CNTNAP5: variants seen among roughly 807,000 people sequenced by gnomAD.
The protein encoded by CNTNAP5 is contactin associated protein family member 5, also known as contactin-associated protein-like 5.
In CNTNAP5, 72 loss-of-function variants were observed where a neutral mutation model predicts 150.2. The observed-to-expected ratio is 0.48, with a 90% CI of 0.40 to 0.58. The LOEUF (loss-of-function observed/expected upper bound fraction) is 0.58, where lower values mean the gene tolerates loss of function less well. Ranked by LOEUF, CNTNAP5 falls within the 20% of genes least tolerant of loss-of-function variation. The probability of loss-of-function intolerance (pLI) is 0.00; values close to 1 mark genes in which losing one functional copy is unlikely to be tolerated. For synonymous variants in CNTNAP5, 672 were observed against 619.8 expected (o/e 1.08, Z -1.25); for missense variants, 1,636 against 1,626.2 (o/e 1.01, Z -0.10).
At chr2:124,210,024 G>T (rs976662871) in intron 1 of CNTNAP5, among the ~76,000 whole-genome samples, 1 of 152,126 alleles carries the variant, frequency 6.6e-6, no homozygotes, top group Non-Finnish European at 1.5e-5. Flanking sequence ...AAATAATCCA[G>T]AGTTTGATCA....
At chr2:124,050,209 TCC>T (rs1371228744) in intron 1 of CNTNAP5, among the ~76,000 whole-genome samples, 1 of 152,180 alleles carries the variant, frequency 6.6e-6, no homozygotes, top group Admixed American at 6.5e-5. Context: ...ATGCCTGTAA[TCC>T]CAGTAATTTG....
chr2:124,061,093 T>G (rs911708533), intron 1 of CNTNAP5, among the ~76,000 whole-genome samples: 1 of 152,046 alleles, frequency 6.6e-6, no homozygotes, highest in African/African-American at 2.4e-5. Flanking sequence ...TAGAAATGCA[T>G]GTTCCTGAAG....
At chr2:124,493,459 G>C (rs1300340105) in intron 7 of CNTNAP5, among the ~76,000 whole-genome samples, 1 of 151,868 alleles carries the variant, frequency 6.6e-6, no homozygotes, top group Non-Finnish European at 1.5e-5. Context: ...TCCTGCCTCA[G>C]CCTCCCTAGT....
At chr2:124,226,520 G>A (rs563465506) in intron 2 of CNTNAP5, among the ~76,000 whole-genome samples, 6 of 151,682 alleles carry the variant, frequency 4.0e-5, no homozygotes, top group Admixed American at 6.6e-5. Flanking sequence ...TGAGATATTC[G>A]GCTTGCAAAT....
intron 11 of CNTNAP5, among the ~76,000 whole-genome samples, chr2:124,589,614 CA>C (rs977697602): frequency 2.6e-5 from 4 of 151,734 alleles, no homozygotes; most frequent in East Asian, 1.9e-4. Flanking sequence ...AAACTTTGAA[CA>C]AAAAAAAGCA....
rs868757249 is a variant in CNTNAP5 at position 124,250,500 on chromosome 2, G to T, written c.381+8107G>T. On this transcript the variant is annotated intron_variant, in intron 3 of 23. Transcript: ENST00000682447. ...TTTCTTTTGAGCTTTGTATACAAAAGGAAAAGCAAACAGTAAGTCAGTCTT... is the reference window on the plus strand; with the variant it reads ...TTTCTTTTGAGCTTTGTATACAAAATGAAAAGCAAACAGTAAGTCAGTCTT... Among the ~76,000 whole-genome samples, 12 of 152,190 alleles carry T rather than the reference G, an allele frequency of 7.9e-5. No homozygotes were observed. The South Asian group carries it at 8.3e-4, about 11-fold the overall frequency.
intron 1 of CNTNAP5, among the ~76,000 whole-genome samples, chr2:124,094,515 A>T (rs190739903): frequency 6.6e-6 from 1 of 152,220 alleles, no homozygotes; most frequent in African/African-American, 2.4e-5. Flanking sequence ...TAATACATAT[A>T]TATGTCTAAT....
At position 124,530,654 on chromosome 2, in the gene CNTNAP5, G is replaced by A. The variant is rs1166649207; in HGVS notation, c.1649+3198G>A. On this transcript the variant is annotated intron_variant, in intron 10 of 23. Coordinates refer to ENST00000682447, the MANE Select transcript of CNTNAP5 (RefSeq NM_001367498.1). ...CGCACGGCTCTGGAAGCAGGAAGGTGTTGGTACTGGGCAGCTCCAGTGCCT... is the reference window on the plus strand; with the variant it reads ...CGCACGGCTCTGGAAGCAGGAAGGTATTGGTACTGGGCAGCTCCAGTGCCT... Among the ~76,000 whole-genome samples, 3 of 152,188 alleles carry A rather than the reference G, an allele frequency of 2.0e-5. No individual in the cohort carries two copies. The East Asian group carries it at 5.8e-4, about 29-fold the overall frequency.
chr2:124,599,807 G>T (rs901700541), intron 11 of CNTNAP5, among the ~76,000 whole-genome samples: 1 of 152,078 alleles, frequency 6.6e-6, no homozygotes, highest in South Asian at 2.1e-4. Flanking sequence ...CAAAAATGTG[G>T]CTTATTGCAG....
At chr2:124,785,243 A>C (rs1308826674) in intron 17 of CNTNAP5, among the ~76,000 whole-genome samples, 3 of 152,150 alleles carry the variant, frequency 2.0e-5, no homozygotes, top group African/African-American at 7.2e-5. Context: ...TGAATGAATG[A>C]AATCATCCTG....
At chr2:124,740,901 C>T (rs1394636693) in intron 13 of CNTNAP5, among the ~76,000 whole-genome samples, 2 of 151,838 alleles carry the variant, frequency 1.3e-5, no homozygotes, top group African/African-American at 4.8e-5. Flanking sequence ...TGGAAACATG[C>T]ATGCCTCTTG....
chr2:124,070,946 G>C (rs1324799349), intron 1 of CNTNAP5, among the ~76,000 whole-genome samples: 1 of 151,934 alleles, frequency 6.6e-6, no homozygotes, highest in Non-Finnish European at 1.5e-5. Flanking sequence ...CCATATAGTA[G>C]ACCTCAATAC....
chr2:124,304,886 G>A (rs1688644391), intron 3 of CNTNAP5, among the ~76,000 whole-genome samples: 1 of 152,096 alleles, frequency 6.6e-6, no homozygotes, highest in Non-Finnish European at 1.5e-5. Flanking sequence ...GGAATGCACA[G>A]CCCTGGCCCC....
chr2:124,889,304 T>C (rs1678145798), intron 21 of CNTNAP5, among the ~76,000 whole-genome samples: 1 of 151,876 alleles, frequency 6.6e-6, no homozygotes, highest in Non-Finnish European at 1.5e-5. Flanking sequence ...TTCACCATGT[T>C]GGTCTCCAAC....
rs192785627 is a variant in CNTNAP5 at position 124,855,668 on chromosome 2, A to G, written c.3218-9638A>G. Reference sequence around the variant, plus strand: ...GTCCCAGCTCAAGATACTGAATTAGATATTTGAACTTTTAAATTTAATTAA... The same window carrying G: ...GTCCCAGCTCAAGATACTGAATTAGGTATTTGAACTTTTAAATTTAATTAA... On this transcript the variant is annotated intron_variant, in intron 19 of 23. Transcript: ENST00000682447. Among the ~76,000 whole-genome samples the G allele has an allele frequency of 4.6e-3, 694 of 152,316 alleles. 6 individuals carry two copies. Among genetic ancestry groups the G allele is most frequent in the Middle Eastern group, 0.02 (6 of 294 alleles).
Position 124,617,024 on chromosome 2 carries a change from G to A in CNTNAP5, c.1876+7104G>A, listed in dbSNP as rs13406956. Among the ~76,000 whole-genome samples the A allele has an allele frequency of 6.0e-4, 92 of 152,114 alleles. 1 individual carries two copies. Among genetic ancestry groups the A allele is most frequent in the African/African-American group, 2.1e-3 (86 of 41,512 alleles). On this transcript the variant is annotated intron_variant, in intron 12 of 23. Transcript: ENST00000682447. ...TTTGAAATATTGCAGTGGTGGATTC[G>A]TGGCTCTTGCCAATGTTCAGGCTCT...
chr2:124,206,725 T>A (rs1295141674), intron 1 of CNTNAP5, among the ~76,000 whole-genome samples: 1 of 152,126 alleles, frequency 6.6e-6, no homozygotes, highest in East Asian at 1.9e-4. Flanking sequence ...TTTGTAAAGG[T>A]AATTCATGCT....
chr2:124,176,842 GTTTT>G (rs71394026), intron 1 of CNTNAP5, among the ~76,000 whole-genome samples: 42 of 119,890 alleles, frequency 3.5e-4, no homozygotes, highest in Non-Finnish European at 5.4e-4. Flanking sequence ...GTTATTGCTG[GTTTT>G]TTTTTTTTTT....
chr2:124,645,683 T>A (rs1240405904), intron 12 of CNTNAP5, among the ~76,000 whole-genome samples: 3 of 152,192 alleles, frequency 2.0e-5, no homozygotes, highest in Admixed American at 6.5e-5. Context: ...ACAGTTTAAT[T>A]TTTTGCTGTG....
Sources: gnomAD v4.1 joint callset for allele counts (sites outside exome capture counted in the v4.1 genomes callset) on GRCh38, gnomAD v4.1.1 for gene constraint, MANE v1.5 for transcripts, NCBI Gene and HGNC (gene_info 2026-07-23, HGNC 2026-07-21) for gene names.